ASXL2: variants seen among roughly 807,000 people sequenced by gnomAD.
ASXL2 encodes putative Polycomb group protein ASXL2.
In ASXL2, 23 loss-of-function variants were observed where a neutral mutation model predicts 122.0. The ratio of observed to expected loss-of-function variants is 0.19; its 90% confidence interval spans 0.14 to 0.27. The LOEUF (loss-of-function observed/expected upper bound fraction) is 0.27, where lower values mean the gene tolerates loss of function less well. Ranked by LOEUF, ASXL2 falls within the 10% of genes least tolerant of loss-of-function variation. The pLI, the probability that ASXL2 is intolerant of heterozygous loss-of-function variation, is 1.00. For synonymous variants in ASXL2, 650 were observed against 637.0 expected (o/e 1.02, Z -0.31); for missense variants, 1,518 against 1,713.8 (o/e 0.89, Z 2.02).
intron 3 of ASXL2, among the ~76,000 whole-genome samples, chr2:25,824,273 T>C (rs367726380): frequency 4.6e-5 from 7 of 152,146 alleles, no homozygotes; most frequent in Admixed American, 3.9e-4. Context: ...AAAAAAAATA[T>C]GGAAAAGAAG....
chr2:25,741,782 C>T lies in ASXL2; in HGVS notation c.*247G>A, dbSNP rs1230716430. On this transcript the variant is annotated 3_prime_UTR_variant, in exon 13 of 13. Coordinates refer to ENST00000435504, the MANE Select transcript of ASXL2 (RefSeq NM_018263.6). ...TGTTAAACAAAATGTGACATATTTACATGATTTTGTAAGTGCAAACTTGTC... is the reference window on the plus strand; with the variant it reads ...TGTTAAACAAAATGTGACATATTTATATGATTTTGTAAGTGCAAACTTGTC... 2.2e-6 allele frequency: 1 copy of T among 460,730 alleles called. No individual in the cohort carries two copies. Among genetic ancestry groups the T allele is most frequent in the Non-Finnish European group, 3.9e-6 (1 of 258,776 alleles). The allele number at this position is 460,730 out of a possible 1,614,324, so 28.5% of individuals were successfully genotyped here. A position where few individuals can be genotyped will look rare whatever the true frequency, so the allele number is the denominator to read the frequency against.
chr2:25,784,379 A>G (rs555328208), intron 5 of ASXL2, among the ~76,000 whole-genome samples: 1 of 152,372 alleles, frequency 6.6e-6, no homozygotes, highest in African/African-American at 2.4e-5. Flanking sequence ...TTATGGCAGC[A>G]GAGATGATGA....
In ASXL2 at chr2:25,743,771, C is replaced by A; in HGVS notation, c.2566G>T (p.Glu856Ter). ...PVHCAADGTV[E>*]LKAGPSKNIP... Reference sequence around the variant, plus strand: ...TTCTTACTAGGACCTGCTTTGAGCTCAACTGTGCCATCAGCTGCACAATGA... The same window carrying A: ...TTCTTACTAGGACCTGCTTTGAGCTAAACTGTGCCATCAGCTGCACAATGA... The change falls in exon 13 of 13, where the codon GAG becomes TAG. Residue 856 changes from glutamate (E) to a stop codon, truncating the protein, a stop_gained. Coordinates refer to ENST00000435504, the MANE Select transcript of ASXL2 (RefSeq NM_018263.6). LOFTEE classifies it high-confidence loss of function. The A allele has an allele frequency of 6.2e-7, 1 of 1,613,996 alleles. No individual in the cohort carries two copies. Among genetic ancestry groups the A allele is most frequent in the South Asian group, 1.1e-5 (1 of 91,060 alleles).
chr2:25,823,202 T>C (rs1319548328), intron 3 of ASXL2, among the ~76,000 whole-genome samples: 3 of 152,218 alleles, frequency 2.0e-5, no homozygotes, highest in Non-Finnish European at 2.9e-5. Flanking sequence ...CATGAAGCTG[T>C]TGAGTGAGGT....
chr2:25,786,350 C>A (rs1276870038), intron 5 of ASXL2, among the ~76,000 whole-genome samples: 1 of 148,466 alleles, frequency 6.7e-6, no homozygotes, highest in African/African-American at 2.5e-5. Context: ...AAGTGATTCT[C>A]CTGCCTCAGC....
At chr2:25,822,576 C>A (rs2089325728) in intron 3 of ASXL2, 1 of 510,270 alleles carries the variant, frequency 2.0e-6, no homozygotes. Flanking sequence ...CCAAACTTAA[C>A]ATTCAGTTGT....
In ASXL2 at chr2:25,735,863, T is replaced by C. The variant is rs565994549; in HGVS notation, c.*6166A>G. 7 of 152,216 alleles carry C rather than the reference T, an allele frequency of 4.6e-5. No homozygotes were observed. The highest frequency in any genetic ancestry group is 8.8e-5 in the Non-Finnish European group (6 of 68,034). The allele number at this position is 152,216 out of a possible 1,614,324, so 9.4% of individuals were successfully genotyped here. The stretch of plus-strand genomic sequence containing the variant: ...TAGGGACCTTCTTTCTTCATGTATT[T>C]GCCACTACTGTGTCCAGTGTCTCAA... On this transcript the variant is annotated 3_prime_UTR_variant, in exon 13 of 13. Transcript: ENST00000435504.
At chr2:25,810,073 T>C (rs565508548) in intron 3 of ASXL2, 7 of 552,490 alleles carry the variant, frequency 1.3e-5, no homozygotes, top group Admixed American at 9.5e-5. Context: ...CACAGGTCTC[T>C]ACCTCCTTGA....
chr2:25,826,278 T>G (rs936569319), intron 3 of ASXL2, among the ~76,000 whole-genome samples: 1 of 152,216 alleles, frequency 6.6e-6, no homozygotes, highest in South Asian at 2.1e-4. Context: ...CATTATTTCT[T>G]TATCATTCCA....
intron 3 of ASXL2, among the ~76,000 whole-genome samples, chr2:25,831,131 C>T (rs1460190251): frequency 6.6e-6 from 1 of 151,876 alleles, no homozygotes; most frequent in Non-Finnish European, 1.5e-5. Flanking sequence ...ACCAGCCTGG[C>T]CAATGCAGTG....
At chr2:25,797,156 C>T (rs1005958182) in intron 5 of ASXL2, among the ~76,000 whole-genome samples, 4 of 152,224 alleles carry the variant, frequency 2.6e-5, no homozygotes, top group African/African-American at 7.2e-5. Context: ...AAGACAGGTG[C>T]GGCGGGCTGG....
intron 3 of ASXL2, among the ~76,000 whole-genome samples, chr2:25,807,923 G>A (rs1049738724): frequency 6.6e-6 from 1 of 151,318 alleles, no homozygotes; most frequent in Non-Finnish European, 1.5e-5. Flanking sequence ...ATGTGGTTGA[G>A]AGGGACTGAA....
chr2:25,800,358 C>T (rs778029276), intron 4 of ASXL2, among the ~76,000 whole-genome samples: 30 of 151,988 alleles, frequency 2.0e-4, no homozygotes, highest in Non-Finnish European at 3.8e-4. Context: ...ATGTAAGTAC[C>T]ACTATGTACT....
At chr2:25,813,941 T>C (rs2089203456) in intron 3 of ASXL2, among the ~76,000 whole-genome samples, 1 of 152,034 alleles carries the variant, frequency 6.6e-6, no homozygotes, top group Non-Finnish European at 1.5e-5. Flanking sequence ...TCCCAGCTAC[T>C]TGGGAGGCTG....
rs115246275 is a variant in ASXL2, at chr2:25,827,604, T to C, written c.143+7934A>G. ...ATATAAATGTAGCTTTTAACTTTGA[T>C]TTAAAAAGTAAACATTTGATTCATC... is the stretch of plus-strand genomic sequence containing the variant. On this transcript the variant is annotated intron_variant, in intron 3 of 12. Coordinates refer to ENST00000435504, the MANE Select transcript of ASXL2 (RefSeq NM_018263.6). Among the ~76,000 whole-genome samples, 823 of 152,324 alleles carry C rather than the reference T, an allele frequency of 5.4e-3. 6 individuals carry two copies. The highest frequency in any genetic ancestry group is 0.019 in the African/African-American group (770 of 41,582).
intron 8 of ASXL2, among the ~76,000 whole-genome samples, chr2:25,765,499 A>C (rs1559504580): frequency 6.6e-6 from 1 of 152,124 alleles, no homozygotes; most frequent in Non-Finnish European, 1.5e-5. Context: ...AGAAAAAAAA[A>C]AAGAAAATAG....
At chr2:25,828,547 C>T (rs147475526) in intron 3 of ASXL2, among the ~76,000 whole-genome samples, 15 of 149,670 alleles carry the variant, frequency 1.0e-4, no homozygotes, top group African/African-American at 3.4e-4. Context: ...TTGTCCAGGC[C>T]GGGCACAGTA....
intron 1 of ASXL2, among the ~76,000 whole-genome samples, chr2:25,874,745 G>A (rs771863373): frequency 6.6e-5 from 10 of 152,014 alleles, no homozygotes; most frequent in South Asian, 4.2e-4. Context: ...TTTGTCTCTC[G>A]CTCAAATCAT....
chr2:25,747,214 A>G (rs1474201395), intron 12 of ASXL2, among the ~76,000 whole-genome samples: 2 of 152,252 alleles, frequency 1.3e-5, no homozygotes, highest in East Asian at 3.8e-4. Flanking sequence ...CTGACTGTAT[A>G]GGGAATGTAA....
Sources: allele counts gnomAD v4.1 joint callset (sites outside exome capture counted in the v4.1 genomes callset), GRCh38; gene constraint gnomAD v4.1.1; transcripts MANE v1.5; gene names NCBI Gene and HGNC (gene_info 2026-07-23, HGNC 2026-07-21).